CCDC88C: variants seen among roughly 807,000 people sequenced by gnomAD.
CCDC88C encodes protein Daple.
In CCDC88C, 131 loss-of-function variants were observed where a neutral mutation model predicts 198.8. The ratio of observed to expected loss-of-function variants is 0.66; its 90% CI spans 0.57 to 0.76. CCDC88C has a LOEUF of 0.76. Ranked by LOEUF, CCDC88C falls within the 30% of genes least tolerant of loss-of-function variation. The probability of loss-of-function intolerance (pLI) is 0.00; values close to 1 mark genes in which losing one functional copy is unlikely to be tolerated. For synonymous variants in CCDC88C, 1,166 were observed against 1,114.7 expected, an observed-to-expected ratio of 1.05 and a Z score of -0.92; for missense variants, 2,553 against 2,631.6, an observed-to-expected ratio of 0.97 and a Z score of 0.65.
chr14:91,296,297 G>A (rs993986450), intron 22 of CCDC88C, among the ~76,000 whole-genome samples: 5 of 152,184 alleles, frequency 3.3e-5, no homozygotes, highest in Non-Finnish European at 7.3e-5. Context: ...AAGTACCCCT[G>A]TCCATTTCTG....
chr14:91,375,810 G>C (rs549586619), intron 3 of CCDC88C, among the ~76,000 whole-genome samples: 116 of 152,214 alleles, frequency 7.6e-4, no homozygotes, highest in Admixed American at 1.2e-3. Flanking sequence ...CAGGGCGAGT[G>C]GGGGGCAAAT....
chr14:91,374,049 G>C (rs552713719), intron 3 of CCDC88C, among the ~76,000 whole-genome samples: 198 of 152,330 alleles, frequency 1.3e-3, no homozygotes, highest in Non-Finnish European at 2.0e-3. Flanking sequence ...GCTCACCTCT[G>C]AATCCCCCCA....
chr14:91,400,051 G>T (rs1258832844), intron 3 of CCDC88C, among the ~76,000 whole-genome samples: 1 of 151,878 alleles, frequency 6.6e-6, no homozygotes, highest in Non-Finnish European at 1.5e-5. Flanking sequence ...TTTCCCCCGA[G>T]AAAGCTCTCC....
intron 17 of CCDC88C, 144 bp downstream of exon 17, chr14:91,308,207 G>T: frequency 2.2e-6 from 2 of 904,166 alleles, no homozygotes; most frequent in Non-Finnish European, 3.3e-6. Flanking sequence ...TCTGAGGGTG[G>T]CTCCCTCAGT....
chr14:91,333,127 C>T (rs1016476742), intron 10 of CCDC88C, among the ~76,000 whole-genome samples: 1 of 152,222 alleles, frequency 6.6e-6, no homozygotes, highest in Non-Finnish European at 1.5e-5. Flanking sequence ...TGGATGACAG[C>T]CACTGACGTA....
chr14:91,272,340 G>GCCGTA lies in CCDC88C; in HGVS notation c.*284_*285insTACGG. 73 of 446,894 alleles carry GCCGTA rather than the reference G, an allele frequency of 1.6e-4. No homozygotes were observed. Among genetic ancestry groups the GCCGTA allele is most frequent in the South Asian group, 3.8e-4 (14 of 36,870 alleles). 27.7% of individuals were successfully genotyped at this position (446,894 alleles called of 1,614,324 possible). ...TGTCTGCTTTGGGGGAAGTCAGTTTGTCATTGCATCCTAATTGGTCCCCAT... is the reference window on the plus strand; with the variant it reads ...TGTCTGCTTTGGGGGAAGTCAGTTTGCCGTATCATTGCATCCTAATTGGTCCCCAT... On this transcript the variant is annotated 3_prime_UTR_variant, in exon 30 of 30. Transcript: ENST00000389857.
intron 3 of CCDC88C, 72 bp downstream of exon 3, chr14:91,408,587 T>A: frequency 1.0e-6 from 1 of 972,090 alleles, no homozygotes. Flanking sequence ...CCCGGCCTCC[T>A]GTGGGAAAAC....
intron 25 of CCDC88C, 21 bp downstream of exon 25, chr14:91,289,084 G>A (rs560059428): frequency 8.2e-5 from 132 of 1,600,734 alleles, no homozygotes; most frequent in Admixed American, 3.9e-4. Context: ...ACCCGACCAC[G>A]GCCAGGACGG....
intron 12 of CCDC88C, among the ~76,000 whole-genome samples, chr14:91,323,376 T>G (rs1259799503): frequency 6.6e-6 from 1 of 152,188 alleles, no homozygotes; most frequent in African/African-American, 2.4e-5. Flanking sequence ...AGTCATCTTG[T>G]GAGGCAGGTT....
rs983630709 is a variant in CCDC88C, at chr14:91,339,069, G to C, written c.809+209C>G. ...TGGACGGGAGGAAACCCTGAAGACC[G>C]GGAAGAATCCCCGCCCCCATCCCTG... On this transcript the variant is annotated intron_variant, in intron 8 of 29. Coordinates refer to ENST00000389857, the MANE Select transcript of CCDC88C (RefSeq NM_001080414.4). The surrounding 1 kb of genome is among the most constrained non-coding windows in gnomAD (Gnocchi z 5.8). 42 of 659,222 alleles carry C rather than the reference G, an allele frequency of 6.4e-5. 1 individual carries two copies. Among genetic ancestry groups the C allele is most frequent in the Admixed American group, 1.1e-4 (5 of 46,752 alleles). The allele number at this position is 659,222 out of a possible 1,614,324, so 40.8% of individuals were successfully genotyped here.
chr14:91,293,658 T>C (rs963585291), intron 23 of CCDC88C, among the ~76,000 whole-genome samples: 3 of 148,964 alleles, frequency 2.0e-5, no homozygotes, highest in Admixed American at 1.4e-4. Flanking sequence ...CAACTCCCCC[T>C]GTTTTTTTTC....
Position 91,407,086 on chromosome 14 carries a change from C to G in CCDC88C, c.270+1573G>C, listed in dbSNP as rs576900103. Among the ~76,000 whole-genome samples the G allele has an allele frequency of 4.8e-4, 73 of 152,244 alleles. No individual in the cohort carries two copies. In the East Asian group the frequency reaches 0.014, roughly 29 times the overall value. On this transcript the variant is annotated intron_variant, in intron 3 of 29. Coordinates refer to ENST00000389857, the MANE Select transcript of CCDC88C (RefSeq NM_001080414.4). ...CCCACACAGGCAAACTACGCCAGCCCCCCCCACCCAACAGGAGGAGGACGG... is the reference window on the plus strand; with the variant it reads ...CCCACACAGGCAAACTACGCCAGCCGCCCCCACCCAACAGGAGGAGGACGG...
chr14:91,391,389 C>T (rs1885496287), intron 3 of CCDC88C, among the ~76,000 whole-genome samples: 1 of 152,132 alleles, frequency 6.6e-6, no homozygotes, highest in Admixed American at 6.5e-5. Context: ...GTTGTGCAAC[C>T]ATCCCCACCA....
At chr14:91,296,983 T>C (rs1165012436) in intron 22 of CCDC88C, among the ~76,000 whole-genome samples, 1 of 152,178 alleles carries the variant, frequency 6.6e-6, no homozygotes, top group Middle Eastern at 3.2e-3. Flanking sequence ...GTGTGACTAC[T>C]GAACTGAAGA....
intron 4 of CCDC88C, among the ~76,000 whole-genome samples, chr14:91,358,563 G>A (rs867552784): frequency 2.0e-5 from 3 of 152,220 alleles, no homozygotes; most frequent in Non-Finnish European, 2.9e-5. Context: ...TGAAAGGGAC[G>A]CAAGGCATTA....
chr14:91,338,655 T>A lies in CCDC88C; in HGVS notation c.810-85A>T, dbSNP rs1285788. 0.011 allele frequency: 11,032 copies of A among 1,024,158 alleles called. 107 individuals are homozygous for A. Among genetic ancestry groups the A allele is most frequent in the Middle Eastern group, 0.032 (161 of 4,958 alleles). 63.4% of individuals were successfully genotyped at this position (1,024,158 alleles called of 1,614,324 possible). On this transcript the variant is annotated intron_variant, in intron 8 of 29. Coordinates refer to ENST00000389857, the MANE Select transcript of CCDC88C (RefSeq NM_001080414.4). This position sits in a 1 kb window ranked among gnomAD's most constrained non-coding sequence, Gnocchi z 4.8. ...GAGCAGGCTGCCACTTCCTAAAACC[T>A]GTGGGAAAAGGAAAGGACTCGGGAT... is the stretch of plus-strand genomic sequence containing the variant.
chr14:91,335,525 C>G (rs945026641), intron 10 of CCDC88C, among the ~76,000 whole-genome samples: 17 of 152,126 alleles, frequency 1.1e-4, no homozygotes, highest in Non-Finnish European at 2.1e-4. Context: ...CAACAGCACC[C>G]CCACCCCCTG....
rs1429493251 is a variant in CCDC88C at position 91,297,507 on chromosome 14, T to C, written c.3780-16A>G. The C allele has an allele frequency of 6.4e-7, 1 of 1,551,316 alleles. No homozygotes were observed. Among genetic ancestry groups the C allele is most frequent in the East Asian group, 2.4e-5 (1 of 40,922 alleles). ...GAAATTGACCCTGGAGGAGGAAGAG[T>C]CACAGGGCAAAGGAGCTGAAGAGCC... On this transcript the variant is annotated splice_polypyrimidine_tract_variant and intron_variant, in intron 21 of 29. Transcript: ENST00000389857.
At chr14:91,413,314 C>T (rs1321021735) in intron 2 of CCDC88C, among the ~76,000 whole-genome samples, 2 of 152,164 alleles carry the variant, frequency 1.3e-5, no homozygotes, top group Non-Finnish European at 2.9e-5. Flanking sequence ...AAATCTCCCC[C>T]AAATTGGTAA....
Sources: allele counts gnomAD v4.1 joint callset (sites outside exome capture counted in the v4.1 genomes callset), GRCh38; gene constraint gnomAD v4.1.1; non-coding constraint Gnocchi (gnomAD v3.1); transcripts MANE v1.5; gene names NCBI Gene and HGNC (gene_info 2026-07-23, HGNC 2026-07-21).